Variants in ACOX3 observed in about 807,000 individuals in gnomAD.
ACOX3 encodes the protein peroxisomal acyl-coenzyme A oxidase 3.
A neutral mutation model predicts 81.5 loss-of-function variants in ACOX3; 73 were observed. The observed-to-expected ratio is 0.90, with a 90% CI of 0.74 to 1.09. The LOEUF is 1.09. ACOX3 is among the 50% of genes least tolerant of loss of function. The pLI, the probability that ACOX3 is intolerant of heterozygous loss-of-function variation, is 0.00. For missense variants in ACOX3, 947 were observed against 928.0 expected (o/e 1.02, Z -0.27); for synonymous variants, 387 against 375.1 (o/e 1.03, Z -0.37).
At chr4:8,367,219 C>T in intron 17 of ACOX3, 139 bp from the exon 18 acceptor site, 1 of 1,139,038 alleles carries the variant, frequency 8.8e-7, no homozygotes. Context: ...GTGGCTCACG[C>T]CCGTAATCCC....
rs779396274 is a variant in ACOX3 at position 8,394,585 on chromosome 4, A to C, written c.1179+35T>G. On this transcript the variant is annotated intron_variant, in intron 10 of 17. Coordinates refer to ENST00000356406, the MANE Select transcript of ACOX3 (RefSeq NM_003501.3). This position sits in a 1 kb window ranked among gnomAD's most constrained non-coding sequence, Gnocchi z 5.9. ...ATGCTGCTCCAACCGTGTGAGATTT[A>C]AACGATGCTGCTGAGGAAGCAGACA... The C allele has an allele frequency of 6.2e-6, 10 of 1,608,732 alleles. No individual in the cohort carries two copies. The highest frequency in any genetic ancestry group is 5.0e-5 in the Admixed American group (3 of 59,820).
At position 8,394,348 on chromosome 4, in the gene ACOX3, T is replaced by A. The variant is rs902481097; in HGVS notation, c.1179+272A>T. 1.3e-5 allele frequency among the ~76,000 whole-genome samples: 2 copies of A among 152,134 alleles called. No homozygotes were observed. Among genetic ancestry groups the A allele is most frequent in the African/African-American group, 4.8e-5 (2 of 41,434 alleles). Reference sequence around the variant, plus strand: ...GGGTAACGTGGATTTTGCAAAACCGTCATGTTCTCAAAAGGAGACCAACAG... The same window carrying A: ...GGGTAACGTGGATTTTGCAAAACCGACATGTTCTCAAAAGGAGACCAACAG... On this transcript the variant is annotated intron_variant, in intron 10 of 17. Transcript: ENST00000356406. The surrounding 1 kb of genome is among the most constrained non-coding windows in gnomAD (Gnocchi z 5.9).
At chr4:8,403,921 G>A (rs1044178028) in intron 7 of ACOX3, among the ~76,000 whole-genome samples, 2 of 152,210 alleles carry the variant, frequency 1.3e-5, no homozygotes, top group African/African-American at 4.8e-5. Context: ...ATATGCCCGG[G>A]TGGAGATGCC....
At position 8,427,249 on chromosome 4, in the gene ACOX3, G is replaced by C. The variant is rs111494508; in HGVS notation, c.-14-10714C>G. Among the ~76,000 whole-genome samples the C allele has an allele frequency of 8.9e-3, 1,362 of 152,338 alleles. 6 individuals carry two copies. The highest frequency in any genetic ancestry group is 0.034 in the South Asian group (163 of 4,830). Reference sequence around the variant, plus strand: ...AGCACAGGGGGAGGGACAATGATCAGGATATAAACCCAGGCATTCAAGCCG... The same window carrying C: ...AGCACAGGGGGAGGGACAATGATCACGATATAAACCCAGGCATTCAAGCCG... On this transcript the variant is annotated intron_variant, in intron 1 of 17. Transcript: ENST00000356406.
Position 8,405,972 on chromosome 4 carries a change from C to T in ACOX3, c.759G>A (p.Gln253=), listed in dbSNP as rs774089704. The T allele has an allele frequency of 9.9e-6, 16 of 1,614,090 alleles. No homozygotes were observed. In the South Asian group the frequency reaches 1.1e-4, roughly 11 times the overall value. The change falls in exon 7 of 18, where the codon CAG becomes CAA. Residue 253 remains glutamine (Q), a synonymous_variant. Coordinates refer to ENST00000356406, the MANE Select transcript of ACOX3 (RefSeq NM_003501.3). This position sits in a 1 kb window ranked among gnomAD's most constrained non-coding sequence, Gnocchi z 7.1. The part of the protein sequence containing the change: ...MVGDIGKKLG[Q]NGLDNGFAMF... ...TCACTCACCCATTATCCAGACCGTTCTGCCCGAGTTTTTTTCCTATGTCGC... is the reference window on the plus strand; with the variant it reads ...TCACTCACCCATTATCCAGACCGTTTTGCCCGAGTTTTTTTCCTATGTCGC...
Position 8,419,016 on chromosome 4 carries a change from A to G in ACOX3, c.-14-2481T>C, listed in dbSNP as rs530368822. 6.9e-6 allele frequency among the ~76,000 whole-genome samples: 1 copy of G among 144,754 alleles called. No individual in the cohort carries two copies. The highest frequency in any genetic ancestry group is 2.0e-4 in the East Asian group (1 of 4,952). 95.0% of individuals were successfully genotyped at this position (144,754 alleles called of 152,430 possible). ...GAGCAAAAAGATACTAAAATACTAA[A>G]TGCCGGCTATAGTGGCACGTGCCTG... On this transcript the variant is annotated intron_variant, in intron 1 of 17. Coordinates refer to ENST00000356406, the MANE Select transcript of ACOX3 (RefSeq NM_003501.3). This position sits in a 1 kb window ranked among gnomAD's most constrained non-coding sequence, Gnocchi z 4.2.
chr4:8,426,026 T>C (rs1378869376), intron 1 of ACOX3, among the ~76,000 whole-genome samples: 1 of 152,066 alleles, frequency 6.6e-6, no homozygotes, highest in Non-Finnish European at 1.5e-5. Flanking sequence ...GCCCATAGCC[T>C]TATTAAGAAT....
chr4:8,436,651 T>G (rs938814285), intron 1 of ACOX3, among the ~76,000 whole-genome samples: 3 of 152,058 alleles, frequency 2.0e-5, no homozygotes, highest in Non-Finnish European at 4.4e-5. Flanking sequence ...AGAGCCTAAG[T>G]CAGTTTTATA....
intron 9 of ACOX3, among the ~76,000 whole-genome samples, chr4:8,396,589 A>G (rs1719715048): frequency 1.3e-5 from 2 of 151,704 alleles, no homozygotes; most frequent in Non-Finnish European, 1.5e-5. Flanking sequence ...AGACACGAGA[A>G]TCACTTGAAC....
At chr4:8,410,435 T>A (rs749055583) in intron 5 of ACOX3, 80 bp from the exon 6 acceptor site, 1 of 1,533,122 alleles carries the variant, frequency 6.5e-7, no homozygotes, top group African/African-American at 1.4e-5. Flanking sequence ...TTAGACAGAT[T>A]CCATTTTCTA....
chr4:8,425,923 A>G (rs186720839), intron 1 of ACOX3, among the ~76,000 whole-genome samples: 2 of 152,216 alleles, frequency 1.3e-5, no homozygotes, highest in Non-Finnish European at 2.9e-5. Context: ...GGAGGCCACA[A>G]TCCTCAGGGA....
intron 1 of ACOX3, among the ~76,000 whole-genome samples, chr4:8,418,869 A>G (rs1722623553): frequency 6.6e-6 from 1 of 152,198 alleles, no homozygotes; most frequent in African/African-American, 2.4e-5. Context: ...CAAAGAAAAC[A>G]AAACAAACAA....
In ACOX3 at chr4:8,389,368, A is replaced by G; in HGVS notation, c.1424-82T>C. On this transcript the variant is annotated intron_variant, in intron 12 of 17. Transcript: ENST00000356406. The surrounding 1 kb of genome is among the most constrained non-coding windows in gnomAD (Gnocchi z 5.3). ...CCCCAAGCTGGGGGCACCCCAAAGCACAGAGAGTGTCCAGAGGACCCGACG... is the reference window on the plus strand; with the variant it reads ...CCCCAAGCTGGGGGCACCCCAAAGCGCAGAGAGTGTCCAGAGGACCCGACG... 1.4e-6 allele frequency: 2 copies of G among 1,431,606 alleles called. No individual in the cohort carries two copies. Among genetic ancestry groups the G allele is most frequent in the Non-Finnish European group, 1.9e-6 (2 of 1,041,972 alleles). The allele number at this position is 1,431,606 out of a possible 1,614,324, so 88.7% of individuals were successfully genotyped here. A position where few individuals can be genotyped will look rare whatever the true frequency, so the allele number is the denominator to read the frequency against.
At position 8,440,676 on chromosome 4, in the gene ACOX3, A is replaced by T; in HGVS notation, c.-43T>A. On this transcript the variant is annotated 5_prime_UTR_variant, in exon 1 of 18. Coordinates refer to ENST00000356406, the MANE Select transcript of ACOX3 (RefSeq NM_003501.3). The stretch of plus-strand genomic sequence containing the variant: ...CACACTCCACAGTTCAACCCCTGCC[A>T]GGGAAACCAAAAGCAGGAAAGGATC... The T allele has an allele frequency of 3.8e-6, 4 of 1,051,680 alleles. No individual in the cohort carries two copies. Among genetic ancestry groups the T allele is most frequent in the Non-Finnish European group, 5.2e-6 (4 of 774,786 alleles). The allele number at this position is 1,051,680 out of a possible 1,614,324, so 65.1% of individuals were successfully genotyped here. A position where few individuals can be genotyped will look rare whatever the true frequency, so the allele number is the denominator to read the frequency against.
intron 5 of ACOX3, among the ~76,000 whole-genome samples, chr4:8,411,213 G>A (rs968403288): frequency 3.9e-5 from 6 of 152,222 alleles, no homozygotes; most frequent in African/African-American, 9.6e-5. Flanking sequence ...GCCCTGGGCC[G>A]CCTCGGGAGA....
At chr4:8,373,696 C>T in intron 15 of ACOX3, 68 bp from the exon 16 acceptor site, 2 of 1,462,450 alleles carry the variant, frequency 1.4e-6, no homozygotes, top group Non-Finnish European at 1.9e-6. Context: ...ACCAACATGC[C>T]CTGAGTGCAC....
downstream of ACOX3, among the ~76,000 whole-genome samples, chr4:8,362,698 A>C (rs776655238): frequency 2.0e-5 from 3 of 152,218 alleles, no homozygotes; most frequent in Non-Finnish European, 4.4e-5. Flanking sequence ...GTAAATGAAG[A>C]ATGTCACTTT....
chr4:8,434,220 C>T (rs1433533428), intron 1 of ACOX3, among the ~76,000 whole-genome samples: 1 of 152,230 alleles, frequency 6.6e-6, no homozygotes. Flanking sequence ...GACCCTTTCA[C>T]ATGGACCCCT....
At chr4:8,373,332 A>G (rs568932803) in intron 16 of ACOX3, among the ~76,000 whole-genome samples, 116 of 151,792 alleles carry the variant, frequency 7.6e-4, no homozygotes, top group African/African-American at 2.7e-3. Flanking sequence ...GTGTCGGCTC[A>G]TGGGTGACGC....
Sources: allele counts gnomAD v4.1 joint callset (sites outside exome capture counted in the v4.1 genomes callset), GRCh38; gene constraint gnomAD v4.1.1; non-coding constraint Gnocchi (gnomAD v3.1); transcripts MANE v1.5; gene names NCBI Gene and HGNC (gene_info 2026-07-23, HGNC 2026-07-21).